The following TBC1D31 variants were observed in gnomAD, a reference collection of about 807,000 sequenced individuals.
The protein encoded by TBC1D31 is WD repeat domain 67.
A neutral mutation model predicts 132.9 loss-of-function variants in TBC1D31; 99 were observed. The observed-to-expected ratio is 0.74, with a 90% confidence interval of 0.63 to 0.88. The LOEUF (loss-of-function observed/expected upper bound fraction) is 0.88. Among genes scored for constraint, TBC1D31 ranks in the 40% least tolerant of loss-of-function variants. TBC1D31 has a pLI of 0.00. For synonymous variants in TBC1D31, 385 were observed against 419.4 expected (o/e 0.92, Z 1.00); for missense variants, 1,134 against 1,256.6 (o/e 0.90, Z 1.48).
At chr8:123,116,553 T>C (rs1208149006) in intron 10 of TBC1D31, among the ~76,000 whole-genome samples, 1 of 152,140 alleles carries the variant, frequency 6.6e-6, no homozygotes, top group Non-Finnish European at 1.5e-5. Context: ...GAAAGGAATA[T>C]AGATATGCAT....
Position 123,088,114 on chromosome 8 carries a change from G to A in TBC1D31, c.519+3774G>A, listed in dbSNP as rs548865712. ...TGAGGCAGAAGAATCGCTTGAACCC[G>A]GGAAACAGAGGTTGCAGTGAGCCGA... is the stretch of plus-strand genomic sequence containing the variant. On this transcript the variant is annotated intron_variant, in intron 4 of 21. Transcript: ENST00000287380. 9.1e-4 allele frequency among the ~76,000 whole-genome samples: 138 copies of A among 152,048 alleles called. 1 individual carries two copies. Among genetic ancestry groups the A allele is most frequent in the African/African-American group, 2.9e-3 (121 of 41,432 alleles).
At chr8:123,089,345 T>C (rs992128297) in intron 4 of TBC1D31, among the ~76,000 whole-genome samples, 1 of 152,202 alleles carries the variant, frequency 6.6e-6, no homozygotes, top group African/African-American at 2.4e-5. Context: ...GGTTGTATAG[T>C]AAGTGCTTAG....
chr8:123,148,864 TGGC>T (rs1268019690), intron 20 of TBC1D31, among the ~76,000 whole-genome samples: 1 of 152,058 alleles, frequency 6.6e-6, no homozygotes, highest in Non-Finnish European at 1.5e-5. Flanking sequence ...ATGACCAACC[TGGC>T]CAACATGGTG....
At chr8:123,164,120 G>A in the TBC1D31 span, among the ~76,000 whole-genome samples, 232 of 152,308 alleles carry the variant, frequency 1.5e-3, 2 homozygotes, top group African/African-American at 5.5e-3. Flanking sequence ...TCTTGCTCAT[G>A]AATCTGTGTA....
chr8:123,161,884 G>C, the TBC1D31 span, among the ~76,000 whole-genome samples: 17 of 152,010 alleles, frequency 1.1e-4, no homozygotes, highest in Middle Eastern at 6.8e-3. Flanking sequence ...CGGGCGTGGT[G>C]GTGGGCGCCT....
rs142446780 is a variant in TBC1D31 at position 123,101,260 on chromosome 8, C to T, written c.1032+253C>T. On this transcript the variant is annotated intron_variant, in intron 7 of 21. Transcript: ENST00000287380. Reference sequence around the variant, plus strand: ...CTCATTTAGGTGTTACTCATTATCTCGTTCCCAAAAGAGTTCTTTCTGCAA... The same window carrying T: ...CTCATTTAGGTGTTACTCATTATCTTGTTCCCAAAAGAGTTCTTTCTGCAA... 2.3e-3 allele frequency among the ~76,000 whole-genome samples: 345 copies of T among 152,206 alleles called. 1 individual carries two copies. Among genetic ancestry groups the T allele is most frequent in the African/African-American group, 7.6e-3 (317 of 41,536 alleles).
chr8:123,155,784 T>C (rs576087110), downstream of TBC1D31, among the ~76,000 whole-genome samples: 3 of 152,314 alleles, frequency 2.0e-5, no homozygotes, highest in East Asian at 1.9e-4. The surrounding 1 kb of genome is among the most constrained non-coding windows in gnomAD (Gnocchi z 4.1). Flanking sequence ...ACTTGAAGGA[T>C]TGCATACTAG....
chr8:123,100,581 CAATAAT>C (rs923627073), intron 6 of TBC1D31, among the ~76,000 whole-genome samples: 85 of 150,228 alleles, frequency 5.7e-4, no homozygotes, highest in African/African-American at 1.7e-3. Flanking sequence ...CATCTCAAAA[CAATAAT>C]AATAATAATA....
Position 123,100,867 on chromosome 8 carries a change from C to T in TBC1D31, c.892C>T (p.Leu298Phe). 1 of 1,613,978 alleles carries T rather than the reference C, an allele frequency of 6.2e-7. No individual in the cohort carries two copies. Among genetic ancestry groups the T allele is most frequent in the South Asian group, 1.1e-5 (1 of 91,076 alleles). The change falls in exon 7 of 22, where the codon CTT becomes TTT. Residue 298 changes from leucine (L) to phenylalanine (F), a missense_variant. By Grantham distance (22) the Leu-to-Phe change is conservative. Coordinates refer to ENST00000287380, the MANE Select transcript of TBC1D31 (RefSeq NM_145647.4). Reference protein sequence around the residue: ...MRFINMQTCKLLFEIGSLDEG... With the variant: ...MRFINMQTCKFLFEIGSLDEG... ...ATTTATCAATATGCAGACTTGTAAA[C>T]TTCTCTTTGAGATTGGGAGCCTCGA...
chr8:123,142,544 C>A, intron 19 of TBC1D31, 88 bp downstream of exon 19: 1 of 1,144,438 alleles, frequency 8.7e-7, no homozygotes, highest in East Asian at 2.9e-5. Flanking sequence ...GTTGTACAGC[C>A]TCGAAATTCA....
intron 4 of TBC1D31, among the ~76,000 whole-genome samples, chr8:123,085,745 A>T (rs1815672953): frequency 6.6e-6 from 1 of 152,140 alleles, no homozygotes; most frequent in Non-Finnish European, 1.5e-5. Context: ...CATCCATATT[A>T]TATTTATTAG....
chr8:123,073,467 G>T (rs1405893989), intron 1 of TBC1D31: 1 of 452,936 alleles, frequency 2.2e-6, no homozygotes, highest in Non-Finnish European at 4.4e-6. Context: ...ATGCATTGCT[G>T]GGGGGCTTCT....
At chr8:123,079,795 C>T (rs533757500) in intron 2 of TBC1D31, among the ~76,000 whole-genome samples, 12 of 152,156 alleles carry the variant, frequency 7.9e-5, no homozygotes, top group Non-Finnish European at 1.6e-4. Context: ...TTCCTTTCTC[C>T]TTCCCCATTG....
At chr8:123,156,599 T>A (rs576446884), downstream of TBC1D31, among the ~76,000 whole-genome samples, 63 of 152,252 alleles carry the variant, frequency 4.1e-4, no homozygotes, top group African/African-American at 1.3e-3. Context: ...ATGGCTGAGT[T>A]ATCAAGAACG....
At chr8:123,112,211 A>G (rs1027197204) in intron 10 of TBC1D31, among the ~76,000 whole-genome samples, 2 of 152,144 alleles carry the variant, frequency 1.3e-5, no homozygotes, top group African/African-American at 4.8e-5. Flanking sequence ...TCCTCTTCAT[A>G]TGATAATGCC....
At chr8:123,101,215 G>A in intron 7 of TBC1D31, 1 of 456,052 alleles carries the variant, frequency 2.2e-6, no homozygotes, top group Non-Finnish European at 4.0e-6. Context: ...CTTCCTGAGG[G>A]ACATCTCCGT....
intron 18 of TBC1D31, among the ~76,000 whole-genome samples, chr8:123,141,441 T>G (rs1821656381): frequency 1.0e-5 from 1 of 98,524 alleles, no homozygotes; most frequent in Non-Finnish European, 2.2e-5. Flanking sequence ...AATTTGAGGA[T>G]TTAAGAGAAT....
chr8:123,135,347 A>C (rs1268464903), intron 17 of TBC1D31, among the ~76,000 whole-genome samples: 1 of 152,238 alleles, frequency 6.6e-6, no homozygotes, highest in Admixed American at 6.5e-5. Flanking sequence ...TTACTCATTT[A>C]GTGTTGAAAC....
At chr8:123,080,716 T>G (rs1379940349) in intron 2 of TBC1D31, among the ~76,000 whole-genome samples, 9 of 152,054 alleles carry the variant, frequency 5.9e-5, no homozygotes, top group Non-Finnish European at 8.8e-5. Flanking sequence ...TTTTGTATTT[T>G]AGTAGAGACA....
Sources: allele counts gnomAD v4.1 joint callset (sites outside exome capture counted in the v4.1 genomes callset), GRCh38; gene constraint gnomAD v4.1.1; non-coding constraint Gnocchi (gnomAD v3.1); transcripts MANE v1.5; gene names NCBI Gene and HGNC (gene_info 2026-07-23, HGNC 2026-07-21).